PCDHGA1: variants seen among roughly 807,000 people sequenced by gnomAD.
The protein encoded by PCDHGA1 is protocadherin gamma subfamily A, 1.
In PCDHGA1, 32 loss-of-function variants were observed where a neutral mutation model predicts 58.0. The observed-to-expected ratio is 0.55, with a 90% CI of 0.42 to 0.74. The LOEUF is 0.74. PCDHGA1 is among the 30% of genes least tolerant of loss of function. PCDHGA1 has a pLI of 0.00. For synonymous variants in PCDHGA1, 498 were observed against 501.1 expected (o/e 0.99, Z 0.08); for missense variants, 1,205 against 1,182.3 (o/e 1.02, Z -0.28).
intron 1 of PCDHGA1, chr5:141,371,148 G>T (rs759466044): frequency 9.9e-6 from 16 of 1,613,892 alleles, no homozygotes; most frequent in South Asian, 4.4e-5. Context: ...GGTCAATGTT[G>T]CAGAGAACCT....
chr5:141,375,920 G>C, intron 1 of PCDHGA1: 1 of 1,613,748 alleles, frequency 6.2e-7, no homozygotes, highest in Non-Finnish European at 8.5e-7. Flanking sequence ...CAAGGCCAGC[G>C]AGCCAGGACT....
At chr5:141,455,160 G>T (rs6875366) in intron 1 of PCDHGA1, among the ~76,000 whole-genome samples, 16,301 of 149,190 alleles carry the variant, frequency 0.11, 1,328 homozygotes, top group African/African-American at 0.23. Context: ...TAGTTTGTTG[G>T]TTTTTTTTTT....
intron 1 of PCDHGA1, chr5:141,366,021 AC>A: frequency 6.2e-7 from 1 of 1,614,092 alleles, no homozygotes; most frequent in Non-Finnish European, 8.5e-7. Flanking sequence ...GAGATCCTGT[AC>A]CCCGCCCTCC....
intron 1 of PCDHGA1, chr5:141,404,984 C>T (rs779919758): frequency 6.2e-7 from 1 of 1,614,034 alleles, no homozygotes; most frequent in African/African-American, 1.3e-5. Context: ...CCTGGGCAGT[C>T]TTCAGATCCC....
At chr5:141,362,044 G>A (rs571731822) in intron 1 of PCDHGA1, 12 of 1,610,458 alleles carry the variant, frequency 7.5e-6, no homozygotes, top group Non-Finnish European at 1.0e-5. Flanking sequence ...CGACAGGGAC[G>A]CGGCCCGCCA....
chr5:141,408,430 C>T, intron 1 of PCDHGA1: 2 of 1,614,012 alleles, frequency 1.2e-6, no homozygotes, highest in South Asian at 1.1e-5. Context: ...TGCACTTCAG[C>T]GTAGACGCGG....
intron 1 of PCDHGA1, chr5:141,366,404 T>C (rs1404249999): frequency 6.8e-6 from 11 of 1,614,180 alleles, no homozygotes; most frequent in Non-Finnish European, 9.3e-6. Context: ...CCTCACACTC[T>C]ATCTTGTGGT....
chr5:141,478,096 T>C (rs749277013), intron 1 of PCDHGA1: 1 of 1,614,074 alleles, frequency 6.2e-7, no homozygotes, highest in South Asian at 1.1e-5. Context: ...CCACCACTGC[T>C]ACCCTCACTG....
intron 1 of PCDHGA1, among the ~76,000 whole-genome samples, chr5:141,396,932 T>C (rs2093455423): frequency 6.6e-6 from 1 of 152,230 alleles, no homozygotes; most frequent in Non-Finnish European, 1.5e-5. Flanking sequence ...CGGATGAAAG[T>C]TGCCCTGGTA....
intron 1 of PCDHGA1, chr5:141,344,452 T>C (rs753860290): frequency 6.2e-7 from 1 of 1,613,722 alleles, no homozygotes; most frequent in Non-Finnish European, 8.5e-7. Context: ...GAATTGGAAA[T>C]AAAAATTGGT....
intron 1 of PCDHGA1, among the ~76,000 whole-genome samples, chr5:141,437,331 A>G (rs2097876062): frequency 6.6e-6 from 1 of 152,244 alleles, no homozygotes; most frequent in Non-Finnish European, 1.5e-5. Context: ...TAAAATTTGT[A>G]GCTTCACTGT....
chr5:141,361,368 C>T, intron 1 of PCDHGA1: 2 of 1,613,970 alleles, frequency 1.2e-6, no homozygotes, highest in Non-Finnish European at 1.7e-6. Context: ...GCGCTCTGGA[C>T]CGGGAGGAGA....
chr5:141,439,150 G>A (rs971023726), intron 1 of PCDHGA1, among the ~76,000 whole-genome samples: 7 of 149,122 alleles, frequency 4.7e-5, no homozygotes, highest in South Asian at 2.1e-4. Flanking sequence ...CTGAGATCAC[G>A]CCACTGCACT....
At chr5:141,369,704 C>T (rs1256951546) in intron 1 of PCDHGA1, among the ~76,000 whole-genome samples, 1 of 152,224 alleles carries the variant, frequency 6.6e-6, no homozygotes, top group Non-Finnish European at 1.5e-5. Context: ...AAAGCTATGA[C>T]ATTATAACTT....
At chr5:141,397,725 C>T (rs1292048088) in intron 1 of PCDHGA1, among the ~76,000 whole-genome samples, 1 of 152,180 alleles carries the variant, frequency 6.6e-6, no homozygotes, top group Non-Finnish European at 1.5e-5. Flanking sequence ...ATTTGGAAAA[C>T]AGAGAAAGAT....
chr5:141,433,164 A>G, intron 1 of PCDHGA1: 3 of 1,613,600 alleles, frequency 1.9e-6, no homozygotes, highest in Non-Finnish European at 2.5e-6. Context: ...TTTTCTAAAG[A>G]CAGTCATGGG....
At position 141,332,121 on chromosome 5, in the gene PCDHGA1, G is replaced by T. The variant is rs1420174432; in HGVS notation, c.1437G>T (p.Leu479Phe). Residue 479 changes from leucine (L) to phenylalanine (F), a missense_variant, in exon 1 of 4, where the codon TTG becomes TTT. Physicochemically the swap from Leu to Phe is conservative, Grantham distance 22. Transcript: ENST00000517417. The surrounding 1 kb of genome is among the most constrained non-coding windows in gnomAD (Gnocchi z 4.6). The part of the protein sequence containing the change: ...ASIFSVRAHD[L>F]DSNENAQITY... ...TCTTCTCTGTGAGGGCCCACGACTTGGACAGCAATGAGAATGCACAAATCA... is the reference window on the plus strand; with the variant it reads ...TCTTCTCTGTGAGGGCCCACGACTTTGACAGCAATGAGAATGCACAAATCA... The T allele has an allele frequency of 6.2e-7, 1 of 1,614,094 alleles. No homozygotes were observed. The highest frequency in any genetic ancestry group is 8.5e-7 in the Non-Finnish European group (1 of 1,180,022).
chr5:141,383,424 T>A, intron 1 of PCDHGA1: 1 of 1,613,978 alleles, frequency 6.2e-7, no homozygotes, highest in Non-Finnish European at 8.5e-7. Context: ...TCAGCCCCAA[T>A]CGCCACTTCT....
Position 141,333,116 on chromosome 5 carries a change from G to A in PCDHGA1, c.2421+11G>A, listed in dbSNP as rs781142928. ...GAACCATTTTCTCAGGTAAACTTTTGTGATGAATGTATCAGCTATCTAGAG... is the reference window on the plus strand; with the variant it reads ...GAACCATTTTCTCAGGTAAACTTTTATGATGAATGTATCAGCTATCTAGAG... On this transcript the variant is annotated intron_variant, in intron 1 of 3. Coordinates refer to ENST00000517417, the MANE Select transcript of PCDHGA1 (RefSeq NM_018912.3). 1 of 1,614,192 alleles carries A rather than the reference G, an allele frequency of 6.2e-7. No homozygotes were observed. Among genetic ancestry groups the A allele is most frequent in the Non-Finnish European group, 8.5e-7 (1 of 1,180,014 alleles).
Sources: gnomAD v4.1 joint callset for allele counts (sites outside exome capture counted in the v4.1 genomes callset) on GRCh38, gnomAD v4.1.1 for gene constraint, Gnocchi (gnomAD v3.1) non-coding constraint, MANE v1.5 for transcripts, NCBI Gene and HGNC (gene_info 2026-07-23, HGNC 2026-07-21) for gene names.